PPA2: variants seen among roughly 807,000 people sequenced by gnomAD.
PPA2 encodes inorganic pyrophosphatase 2, mitochondrial.
Under a neutral mutation model 49.5 loss-of-function variants are expected in PPA2, and 48 were observed. The ratio of observed to expected loss-of-function variants is 0.97; its 90% CI spans 0.77 to 1.23. PPA2 has a LOEUF of 1.23. Among genes scored for constraint, PPA2 ranks in the 50% most tolerant of loss-of-function variants. The pLI is 0.00. For missense variants in PPA2, 429 were observed against 410.1 expected, an observed-to-expected ratio of 1.05 and a Z score of -0.40; for synonymous variants, 131 against 139.9, an observed-to-expected ratio of 0.94 and a Z score of 0.45.
At chr4:105,392,932 A>AT (rs1446704549) in intron 9 of PPA2, among the ~76,000 whole-genome samples, 1 of 152,204 alleles carries the variant, frequency 6.6e-6, no homozygotes, top group Non-Finnish European at 1.5e-5. Flanking sequence ...TTCAACTAGC[A>AT]TATGAGGGAA....
chr4:105,435,227 C>T (rs746812764), intron 6 of PPA2, among the ~76,000 whole-genome samples: 18 of 152,078 alleles, frequency 1.2e-4, no homozygotes, highest in African/African-American at 3.6e-4. Flanking sequence ...TACCCCTAAC[C>T]GAGAACTATT....
At chr4:105,441,382 T>A (rs549101982) in intron 5 of PPA2, among the ~76,000 whole-genome samples, 1 of 152,028 alleles carries the variant, frequency 6.6e-6, no homozygotes, top group African/African-American at 2.4e-5. Flanking sequence ...CTAGTTAAAA[T>A]CACAATAAGA....
chr4:105,401,724 A>G (rs1722200453), intron 7 of PPA2, among the ~76,000 whole-genome samples: 1 of 152,224 alleles, frequency 6.6e-6, no homozygotes, highest in Admixed American at 6.5e-5. Context: ...TAATTAAGCT[A>G]AATCTATTTC....
intron 9 of PPA2, among the ~76,000 whole-genome samples, chr4:105,387,714 T>C (rs1173574872): frequency 2.0e-5 from 3 of 152,170 alleles, no homozygotes; most frequent in Non-Finnish European, 4.4e-5. Flanking sequence ...ATAGCACACG[T>C]TTACTTACGT....
At chr4:105,460,437 G>C (rs977594067) in intron 1 of PPA2, among the ~76,000 whole-genome samples, 1 of 151,978 alleles carries the variant, frequency 6.6e-6, no homozygotes, top group African/African-American at 2.4e-5. Flanking sequence ...TGGTATCCAA[G>C]GGGTTCTGGA....
intron 7 of PPA2, among the ~76,000 whole-genome samples, chr4:105,408,457 A>AT: frequency 6.6e-6 from 1 of 152,300 alleles, no homozygotes; most frequent in South Asian, 2.1e-4. Flanking sequence ...TGGGAGATAG[A>AT]TTTTTGTGTC....
chr4:105,384,216 G>A (rs1278193615), intron 10 of PPA2, among the ~76,000 whole-genome samples: 3 of 152,288 alleles, frequency 2.0e-5, no homozygotes, highest in Middle Eastern at 6.8e-3. Flanking sequence ...CTGAGCTAGT[G>A]AAGAGGCACT....
chr4:105,470,670 T>C (rs754875841), intron 1 of PPA2, among the ~76,000 whole-genome samples: 3 of 152,134 alleles, frequency 2.0e-5, no homozygotes, highest in Non-Finnish European at 2.9e-5. Flanking sequence ...AAGGGAAAAA[T>C]AAATAACATT....
intron 1 of PPA2, among the ~76,000 whole-genome samples, chr4:105,462,322 G>C (rs1393837233): frequency 6.6e-6 from 1 of 152,196 alleles, no homozygotes; most frequent in African/African-American, 2.4e-5. Context: ...AGCTCAGGCT[G>C]CTTGTTTCTT....
At chr4:105,402,535 G>A (rs1182629411) in intron 7 of PPA2, among the ~76,000 whole-genome samples, 1 of 152,144 alleles carries the variant, frequency 6.6e-6, no homozygotes, top group Non-Finnish European at 1.5e-5. Context: ...ACATTTCAGG[G>A]AGACAGTAAG....
intron 1 of PPA2, 132 bp from the exon 2 acceptor site, chr4:105,456,877 C>T (rs1180442229): frequency 9.8e-6 from 6 of 609,612 alleles, no homozygotes; most frequent in Admixed American, 3.8e-5. Context: ...TAACTCCCAA[C>T]TTAAAGTTAA....
At chr4:105,428,404 C>A (rs1437601862) in intron 6 of PPA2, among the ~76,000 whole-genome samples, 2 of 151,728 alleles carry the variant, frequency 1.3e-5, no homozygotes, top group African/African-American at 4.8e-5. Context: ...CACAGAGTGG[C>A]AAATTGGATA....
chr4:105,399,618 A>AG (rs1324647442), intron 7 of PPA2: 2 of 153,098 alleles, frequency 1.3e-5, no homozygotes, highest in African/African-American at 4.8e-5. Context: ...ACTGGACAAG[A>AG]GGGGAAAAGG....
intron 7 of PPA2, among the ~76,000 whole-genome samples, chr4:105,411,534 C>A (rs1722758810): frequency 6.6e-6 from 1 of 152,160 alleles, no homozygotes; most frequent in African/African-American, 2.4e-5. Flanking sequence ...CAGCACAAGA[C>A]AAGGATGTCC....
At chr4:105,408,276 T>A (rs538112604) in intron 7 of PPA2, among the ~76,000 whole-genome samples, 2 of 152,104 alleles carry the variant, frequency 1.3e-5, no homozygotes, top group Non-Finnish European at 2.9e-5. Flanking sequence ...CTGGTATATA[T>A]AAGAAAGGGT....
At chr4:105,388,733 G>A (rs1560607637) in intron 9 of PPA2, among the ~76,000 whole-genome samples, 1 of 149,646 alleles carries the variant, frequency 6.7e-6, no homozygotes, top group Non-Finnish European at 1.5e-5. Flanking sequence ...GCCAAGGCAG[G>A]GGAATCACTT....
At chr4:105,389,446 T>TAAA (rs370183473) in intron 9 of PPA2, among the ~76,000 whole-genome samples, 2 of 130,356 alleles carry the variant, frequency 1.5e-5, no homozygotes, top group African/African-American at 2.8e-5. Flanking sequence ...AAACGAAACT[T>TAAA]AAAAAAAAAA....
intron 1 of PPA2, among the ~76,000 whole-genome samples, chr4:105,461,282 A>C (rs948321357): frequency 2.0e-5 from 3 of 152,194 alleles, no homozygotes; most frequent in Admixed American, 1.3e-4. Flanking sequence ...ATGTTCAAAA[A>C]ACGGTGGTGT....
intron 1 of PPA2, among the ~76,000 whole-genome samples, chr4:105,457,250 A>T (rs1722910806): frequency 6.6e-6 from 1 of 152,242 alleles, no homozygotes; most frequent in Non-Finnish European, 1.5e-5. Flanking sequence ...ATACTAAGGT[A>T]AGCTTAGAAC....
Sources: allele counts gnomAD v4.1 joint callset (sites outside exome capture counted in the v4.1 genomes callset), GRCh38; gene constraint gnomAD v4.1.1; transcripts MANE v1.5; gene names NCBI Gene and HGNC (gene_info 2026-07-23, HGNC 2026-07-21).